The following ZBTB16 variants were observed in gnomAD, a reference collection of about 807,000 sequenced individuals.
ZBTB16 encodes zinc finger and BTB domain-containing protein 16.
ZBTB16 carries 8 observed loss-of-function variants against 56.8 expected under a neutral mutation model. That is an observed-to-expected ratio of 0.14 (90% CI 0.08 to 0.25). ZBTB16 has a LOEUF of 0.25. ZBTB16 is among the 10% of genes least tolerant of loss of function. The pLI is 1.00. For missense variants in ZBTB16, 625 were observed against 903.0 expected (o/e 0.69, Z 3.95); for synonymous variants, 363 against 368.5 (o/e 0.98, Z 0.17).
intron 2 of ZBTB16, among the ~76,000 whole-genome samples, chr11:114,090,527 G>T (rs754618348): frequency 2.0e-5 from 3 of 152,194 alleles, no homozygotes; most frequent in East Asian, 1.9e-4. Context: ...TCATAAACAC[G>T]TGTGGACTTT....
intron 3 of ZBTB16, among the ~76,000 whole-genome samples, chr11:114,174,967 T>C (rs1943069617): frequency 6.6e-6 from 1 of 152,210 alleles, no homozygotes; most frequent in East Asian, 1.9e-4. Flanking sequence ...CTGGGCTGGA[T>C]GTTGACAGAA....
At chr11:114,103,923 C>T (rs1476456439) in intron 2 of ZBTB16, among the ~76,000 whole-genome samples, 1 of 152,162 alleles carries the variant, frequency 6.6e-6, no homozygotes, top group African/African-American at 2.4e-5. Context: ...AGAAATCTAA[C>T]AAACTATTCT....
intron 4 of ZBTB16, among the ~76,000 whole-genome samples, chr11:114,241,161 G>C (rs1197576061): frequency 6.6e-6 from 1 of 152,070 alleles, no homozygotes; most frequent in Non-Finnish European, 1.5e-5. Flanking sequence ...AGCCTTGCTT[G>C]TAGAAGGCAT....
chr11:114,211,516 T>G (rs1260652121), intron 4 of ZBTB16, among the ~76,000 whole-genome samples: 1 of 152,212 alleles, frequency 6.6e-6, no homozygotes, highest in East Asian at 1.9e-4. Context: ...TGGTGCTTAC[T>G]AAGTGTTGAG....
At chr11:114,142,857 G>A (rs115742464) in intron 2 of ZBTB16, among the ~76,000 whole-genome samples, 1,692 of 152,232 alleles carry the variant, frequency 0.011, 35 homozygotes, top group African/African-American at 0.037. Flanking sequence ...CATCCCCATC[G>A]GGAGGTGGGC....
chr11:114,154,885 C>G (rs1325268050), intron 2 of ZBTB16, among the ~76,000 whole-genome samples: 1 of 152,190 alleles, frequency 6.6e-6, no homozygotes, highest in African/African-American at 2.4e-5. Context: ...ACAGTGGATA[C>G]CATATGCTGG....
At chr11:114,133,788 T>C (rs1941730917) in intron 2 of ZBTB16, among the ~76,000 whole-genome samples, 1 of 152,194 alleles carries the variant, frequency 6.6e-6, no homozygotes, top group Admixed American at 6.5e-5. Context: ...TCCACTGGGT[T>C]GGCCCCATGG....
intron 2 of ZBTB16, among the ~76,000 whole-genome samples, chr11:114,070,202 G>A (rs1001166969): frequency 1.3e-5 from 2 of 148,884 alleles, no homozygotes; most frequent in Admixed American, 1.4e-4. Flanking sequence ...TCCGCTTCCC[G>A]GGTTCACGCC....
chr11:114,245,470 C>T (rs1250268917), intron 5 of ZBTB16, among the ~76,000 whole-genome samples: 7 of 152,278 alleles, frequency 4.6e-5, no homozygotes, highest in East Asian at 3.9e-4. Context: ...CCCCAGCATC[C>T]GCTCCCCTCA....
chr11:114,155,523 T>G (rs904950829), intron 2 of ZBTB16, among the ~76,000 whole-genome samples: 1 of 152,226 alleles, frequency 6.6e-6, no homozygotes, highest in African/African-American at 2.4e-5. Context: ...CGGTTGTTAC[T>G]GGGACCTTGG....
chr11:114,121,452 A>G (rs1941343744), intron 2 of ZBTB16, among the ~76,000 whole-genome samples: 1 of 151,680 alleles, frequency 6.6e-6, no homozygotes, highest in Non-Finnish European at 1.5e-5. Context: ...AAAACACAAA[A>G]CCCTGGCTGT....
intron 4 of ZBTB16, among the ~76,000 whole-genome samples, chr11:114,216,292 G>T (rs1397502423): frequency 6.6e-6 from 1 of 152,160 alleles, no homozygotes; most frequent in Non-Finnish European, 1.5e-5. Context: ...TAGCAGAGCT[G>T]GGGGGTGGAC....
intron 2 of ZBTB16, among the ~76,000 whole-genome samples, chr11:114,088,539 G>A (rs1940053226): frequency 6.6e-6 from 1 of 152,186 alleles, no homozygotes; most frequent in Admixed American, 6.5e-5. Context: ...ATACAGCCCC[G>A]CTTCGTCCAC....
intron 3 of ZBTB16, among the ~76,000 whole-genome samples, chr11:114,157,760 C>T (rs1942459471): frequency 6.6e-6 from 1 of 152,214 alleles, no homozygotes; most frequent in Non-Finnish European, 1.5e-5. Flanking sequence ...CTCCTTCTCA[C>T]TTCCCATTCT....
intron 2 of ZBTB16, among the ~76,000 whole-genome samples, chr11:114,072,099 T>C (rs934297224): frequency 1.3e-5 from 2 of 152,246 alleles, no homozygotes; most frequent in African/African-American, 4.8e-5. Flanking sequence ...TTGTGTGAAG[T>C]AGGTCATGCT....
At chr11:114,218,887 C>T (rs1473453333) in intron 4 of ZBTB16, among the ~76,000 whole-genome samples, 1 of 152,194 alleles carries the variant, frequency 6.6e-6, no homozygotes, top group East Asian at 1.9e-4. Context: ...TTCTGCAAAA[C>T]ATGAAATGAG....
rs150014194 is a variant in ZBTB16, at chr11:114,222,167, A to C, written c.1454-20000A>C. Among the ~76,000 whole-genome samples the C allele has an allele frequency of 3.7e-3, 557 of 152,260 alleles. 11 individuals carry two copies. Among genetic ancestry groups the C allele is most frequent in the African/African-American group, 0.013 (537 of 41,558 alleles). ...TTCACAGAACTTCCATCTGGGTTCAAATGGGGACATTTAGAAAGTTCTTCA... is the reference window on the plus strand; with the variant it reads ...TTCACAGAACTTCCATCTGGGTTCACATGGGGACATTTAGAAAGTTCTTCA... On this transcript the variant is annotated intron_variant, in intron 4 of 6. Transcript: ENST00000335953.
At chr11:114,212,808 C>T (rs931864755) in intron 4 of ZBTB16, among the ~76,000 whole-genome samples, 6 of 152,182 alleles carry the variant, frequency 3.9e-5, no homozygotes, top group Non-Finnish European at 8.8e-5. Flanking sequence ...CCCCATCCCC[C>T]ATCGCCTGCC....
intron 3 of ZBTB16, 57 bp downstream of exon 3, chr11:114,156,491 CT>C: frequency 6.5e-7 from 1 of 1,535,950 alleles, no homozygotes; most frequent in Non-Finnish European, 9.0e-7. Flanking sequence ...TCCTGCTTGC[CT>C]TTACCCCTCC....
Sources: allele counts gnomAD v4.1 joint callset (sites outside exome capture counted in the v4.1 genomes callset), GRCh38; gene constraint gnomAD v4.1.1; transcripts MANE v1.5; gene names NCBI Gene and HGNC (gene_info 2026-07-23, HGNC 2026-07-21).